PBX1: variants seen among roughly 807,000 people sequenced by gnomAD.
The protein encoded by PBX1 is PBX homeobox 1.
PBX1 carries 6 observed loss-of-function variants against 53.4 expected under a neutral mutation model. The ratio of observed to expected loss-of-function variants is 0.11; its 90% CI spans 0.06 to 0.22. The LOEUF is 0.22. Ranked by LOEUF, PBX1 falls within the 10% of genes least tolerant of loss-of-function variation. PBX1 has a pLI of 1.00. For synonymous variants in PBX1, 204 were observed against 212.3 expected (o/e 0.96, Z 0.34); for missense variants, 251 against 551.4 (o/e 0.46, Z 5.46).
intron 2 of PBX1, among the ~76,000 whole-genome samples, chr1:164,716,881 T>G (rs1319802828): frequency 6.6e-6 from 1 of 152,168 alleles, no homozygotes; most frequent in Non-Finnish European, 1.5e-5. Flanking sequence ...TGGAACATAA[T>G]TAAAACATTA....
At chr1:164,594,972 C>T (rs973250032) in intron 2 of PBX1, among the ~76,000 whole-genome samples, 4 of 152,232 alleles carry the variant, frequency 2.6e-5, no homozygotes, top group Non-Finnish European at 5.9e-5. Flanking sequence ...TTTCATTATA[C>T]TGTCTTCACT....
intron 2 of PBX1, chr1:164,884,659 C>A: frequency 2.6e-6 from 1 of 381,972 alleles, no homozygotes; most frequent in South Asian, 2.6e-5. Flanking sequence ...CGGAATGACA[C>A]ATACTGACTT....
chr1:164,622,871 C>T (rs996120107), intron 2 of PBX1, among the ~76,000 whole-genome samples: 24 of 141,578 alleles, frequency 1.7e-4, no homozygotes, highest in Admixed American at 3.8e-4. Context: ...TTCGCCCAGG[C>T]TGGAGTGCAC....
In PBX1 at chr1:164,850,144, C is replaced by T. The variant is rs1448380645; in HGVS notation, c.*3468C>T. The T allele has an allele frequency of 4.4e-6, 1 of 227,948 alleles. No homozygotes were observed. Among genetic ancestry groups the T allele is most frequent in the African/African-American group, 2.2e-5 (1 of 45,012 alleles). The allele number at this position is 227,948 out of a possible 1,614,324, so 14.1% of individuals were successfully genotyped here. On this transcript the variant is annotated 3_prime_UTR_variant, in exon 9 of 9. Transcript: ENST00000420696. The stretch of plus-strand genomic sequence containing the variant: ...CAAAACAGGATGGGGAATTTCCCCT[C>T]TTCTTTCTGTGACAATGCGCATCAT...
intron 2 of PBX1, among the ~76,000 whole-genome samples, chr1:164,667,428 G>GTGTA (rs1660869788): frequency 1.3e-5 from 2 of 151,264 alleles, no homozygotes; most frequent in East Asian, 1.9e-4. Flanking sequence ...GTGTGTGTGT[G>GTGTA]TGTGTATATA....
At chr1:164,743,023 A>C (rs911697614) in intron 2 of PBX1, among the ~76,000 whole-genome samples, 1 of 152,210 alleles carries the variant, frequency 6.6e-6, no homozygotes, top group Non-Finnish European at 1.5e-5. Flanking sequence ...TCAGTTCCTG[A>C]CAAACAGCAA....
intron 5 of PBX1, among the ~76,000 whole-genome samples, chr1:164,811,091 T>G (rs1343534411): frequency 1.3e-5 from 2 of 152,220 alleles, no homozygotes; most frequent in African/African-American, 4.8e-5. Flanking sequence ...ATAGTTTGTT[T>G]TGTAATTATA....
chr1:164,653,930 C>G (rs989052150), intron 2 of PBX1, among the ~76,000 whole-genome samples: 8 of 152,194 alleles, frequency 5.3e-5, no homozygotes, highest in African/African-American at 1.7e-4. Context: ...GACAATAGAA[C>G]AGCCTGTTCC....
intron 4 of PBX1, among the ~76,000 whole-genome samples, chr1:164,800,716 G>C (rs888316644): frequency 2.0e-5 from 3 of 152,144 alleles, no homozygotes; most frequent in African/African-American, 7.2e-5. Context: ...AATTCATCTA[G>C]CAAATACATT....
intron 8 of PBX1, among the ~76,000 whole-genome samples, chr1:164,831,962 C>G (rs1670789584): frequency 6.6e-6 from 1 of 152,120 alleles, no homozygotes; most frequent in Non-Finnish European, 1.5e-5. Context: ...TATGGTGAGC[C>G]TGCTTTTAAA....
intron 2 of PBX1, among the ~76,000 whole-genome samples, chr1:164,716,211 T>C (rs1405002889): frequency 1.3e-5 from 2 of 152,200 alleles, no homozygotes; most frequent in African/African-American, 4.8e-5. Flanking sequence ...CACCACCCAC[T>C]GATCTATGCA....
At chr1:164,645,191 C>T (rs1330331540) in intron 2 of PBX1, among the ~76,000 whole-genome samples, 3 of 152,170 alleles carry the variant, frequency 2.0e-5, no homozygotes, top group Non-Finnish European at 4.4e-5. Flanking sequence ...GGGCTTCTCA[C>T]CCTTAAGGAT....
chr1:164,673,557 G>A (rs1213201480), intron 2 of PBX1, among the ~76,000 whole-genome samples: 1 of 136,428 alleles, frequency 7.3e-6, no homozygotes. Flanking sequence ...TGCAACCTCC[G>A]CCTCCCGGCT....
chr1:164,575,074 G>T (rs1028874771), intron 2 of PBX1, among the ~76,000 whole-genome samples: 1 of 152,224 alleles, frequency 6.6e-6, no homozygotes, highest in African/African-American at 2.4e-5. Context: ...GTGATGGAAT[G>T]CATATGTTGT....
rs1175647354 is a variant in PBX1 at position 164,620,213 on chromosome 1, A to T, written c.265+56902A>T. On this transcript the variant is annotated intron_variant, in intron 2 of 8. Transcript: ENST00000420696. ...AAAACCAGCAAATCTTTATAGAAAA[A>T]CATGAACTTCTTTTAAAAAATTTGT... Among the ~76,000 whole-genome samples, 5 of 152,282 alleles carry T rather than the reference A, an allele frequency of 3.3e-5. No individual in the cohort carries two copies. The East Asian group carries it at 9.7e-4, about 29-fold the overall frequency.
At chr1:164,583,826 G>T (rs1654783265) in intron 2 of PBX1, among the ~76,000 whole-genome samples, 1 of 152,110 alleles carries the variant, frequency 6.6e-6, no homozygotes, top group Non-Finnish European at 1.5e-5. Context: ...AGAAATATAA[G>T]ATAGGAACTT....
chr1:164,871,215 G>A (rs1558054279), intron 2 of PBX1, among the ~76,000 whole-genome samples: 1 of 152,186 alleles, frequency 6.6e-6, no homozygotes, highest in Non-Finnish European at 1.5e-5. Flanking sequence ...ATTGTAAACA[G>A]CAGGTGCTTA....
intron 2 of PBX1, among the ~76,000 whole-genome samples, chr1:164,701,388 A>T (rs1663112594): frequency 6.6e-6 from 1 of 152,252 alleles, no homozygotes; most frequent in South Asian, 2.1e-4. Flanking sequence ...CAGAAAAGAA[A>T]GTGTGATGGG....
chr1:164,597,501 A>T (rs1655853431), intron 2 of PBX1, among the ~76,000 whole-genome samples: 2 of 152,194 alleles, frequency 1.3e-5, no homozygotes, highest in Non-Finnish European at 2.9e-5. Context: ...TTTCTACCAC[A>T]CTTTGAAATT....
Sources: gnomAD v4.1 joint callset for allele counts (sites outside exome capture counted in the v4.1 genomes callset) on GRCh38, gnomAD v4.1.1 for gene constraint, MANE v1.5 for transcripts, NCBI Gene and HGNC (gene_info 2026-07-23, HGNC 2026-07-21) for gene names.